The following CIMAP2 variants were observed in gnomAD, a reference collection of about 807,000 sequenced individuals.
The protein encoded by CIMAP2 is ciliary microtubule associated protein 2, also known as ciliary microtubule-associated protein 2.
At chr1:54,823,816 G>A in the CIMAP2 span, among the ~76,000 whole-genome samples, 18 of 152,310 alleles carry the variant, frequency 1.2e-4, no homozygotes, top group African/African-American at 4.1e-4. Context: ...ACTCTCTCAA[G>A]CATTTCTTGT....
chr1:54,829,091 G>A, the CIMAP2 span, among the ~76,000 whole-genome samples: 2 of 152,226 alleles, frequency 1.3e-5, no homozygotes, highest in African/African-American at 2.4e-5. Flanking sequence ...GGAGGGCAGG[G>A]TTAACAGATT....
chr1:54,836,291 GCC>G, the CIMAP2 span, among the ~76,000 whole-genome samples: 9 of 144 alleles, frequency 0.062, no homozygotes, highest in Admixed American at 0.14. Context: ...CCGCCTGCCT[GCC>G]TGCCTGCCTG....
chr1:54,818,203 T>G, the CIMAP2 span, among the ~76,000 whole-genome samples: 1 of 152,204 alleles, frequency 6.6e-6, no homozygotes, highest in Non-Finnish European at 1.5e-5. Flanking sequence ...TTTCATCCTT[T>G]GTGCTGGGTA....
chr1:54,825,041 CTTTTTTTT>C, the CIMAP2 span, among the ~76,000 whole-genome samples: 141 of 59,668 alleles, frequency 2.4e-3, no homozygotes, highest in African/African-American at 9.7e-3. Context: ...TAGGGAATTA[CTTTTTTTT>C]TTTTTTTTTT....
chr1:54,808,089 T>TATCC, the CIMAP2 span: 1 of 1,426,034 alleles, frequency 7.0e-7, no homozygotes. Flanking sequence ...TTCACTTACA[T>TATCC]ATCCATCCAG....
At chr1:54,816,970 C>T in the CIMAP2 span, 1 of 1,614,000 alleles carries the variant, frequency 6.2e-7, no homozygotes, top group Non-Finnish European at 8.5e-7. Flanking sequence ...AATGTCCTGC[C>T]ATCCTCTCCC....
chr1:54,811,320 C>G, the CIMAP2 span, among the ~76,000 whole-genome samples: 4 of 152,240 alleles, frequency 2.6e-5, no homozygotes, highest in East Asian at 7.7e-4. Flanking sequence ...AGGCAACTGT[C>G]TCAGGTGGAA....
chr1:54,822,024 A>G, the CIMAP2 span, among the ~76,000 whole-genome samples: 4 of 130,578 alleles, frequency 3.1e-5, no homozygotes, highest in African/African-American at 8.5e-5. Flanking sequence ...TCAGCCTCCC[A>G]AGTAGCTGGG....
chr1:54,815,081 T>G, the CIMAP2 span: 1 of 1,609,726 alleles, frequency 6.2e-7, no homozygotes, highest in Admixed American at 1.7e-5. Flanking sequence ...AACTCTCTCC[T>G]GCCTCTACAG....
At chr1:54,811,765 G>GCCGGGGGGGGGGGGGGCGGGCCCCCC in the CIMAP2 span, 1 of 1,301,332 alleles carries the variant, frequency 7.7e-7, no homozygotes, top group Non-Finnish European at 1.1e-6. Flanking sequence ...GGTTCTGACA[G>GCCGGGGGGGGGGGGGGCGGGCCCCCC]CCTCCATGCC....
chr1:54,834,531 A>C, the CIMAP2 span, among the ~76,000 whole-genome samples: 1 of 152,222 alleles, frequency 6.6e-6, no homozygotes, highest in East Asian at 1.9e-4. Context: ...CTATATACCC[A>C]CTACTCAGAT....
chr1:54,841,249 T>C, the CIMAP2 span, among the ~76,000 whole-genome samples: 3 of 152,164 alleles, frequency 2.0e-5, no homozygotes, highest in South Asian at 2.1e-4. Context: ...AACAGATACA[T>C]AAAGTGTGTA....
At chr1:54,811,767 C>CGGGGGGGGGGGGGGG in the CIMAP2 span, 61 of 1,088,150 alleles carry the variant, frequency 5.6e-5, no homozygotes, top group Non-Finnish European at 6.9e-5. Flanking sequence ...TTCTGACAGC[C>CGGGGGGGGGGGGGGG]TCCATGCCCC....
chr1:54,819,154 A>G, the CIMAP2 span, among the ~76,000 whole-genome samples: 1 of 152,140 alleles, frequency 6.6e-6, no homozygotes. Flanking sequence ...CAGCTTCTCT[A>G]GAAAACAATC....
At chr1:54,811,766 C>CGGGGGGGGGGGGCGGG in the CIMAP2 span, 1 of 1,305,188 alleles carries the variant, frequency 7.7e-7, no homozygotes, top group Non-Finnish European at 1.1e-6. Context: ...GTTCTGACAG[C>CGGGGGGGGGGGGCGGG]CTCCATGCCC....
At chr1:54,834,979 T>C in the CIMAP2 span, among the ~76,000 whole-genome samples, 2 of 152,238 alleles carry the variant, frequency 1.3e-5, no homozygotes, top group Non-Finnish European at 2.9e-5. Flanking sequence ...TCTTTCATTT[T>C]TGATAAAGTT....
the CIMAP2 span, among the ~76,000 whole-genome samples, chr1:54,829,347 A>T: frequency 0.092 from 13,950 of 152,246 alleles, 848 homozygotes; most frequent in Non-Finnish European, 0.13. Flanking sequence ...ACTAAGTCTT[A>T]TGAATGCTGC....
At chr1:54,834,286 T>C in the CIMAP2 span, among the ~76,000 whole-genome samples, 1 of 152,228 alleles carries the variant, frequency 6.6e-6, no homozygotes, top group Non-Finnish European at 1.5e-5. Context: ...ACTTTCCAGC[T>C]CTGGTGTCTT....
chr1:54,816,664 C>T, the CIMAP2 span, among the ~76,000 whole-genome samples: 3 of 152,126 alleles, frequency 2.0e-5, no homozygotes, highest in African/African-American at 7.2e-5. Flanking sequence ...GGCTTGTAGT[C>T]GTCACTCCAG....
Sources: gnomAD v4.1 joint callset for allele counts (sites outside exome capture counted in the v4.1 genomes callset) on GRCh38, gnomAD v4.1.1 for gene constraint, MANE v1.5 for transcripts, NCBI Gene and HGNC (gene_info 2026-07-23, HGNC 2026-07-21) for gene names.